The following WDR47 variants were observed in gnomAD, a reference collection of about 807,000 sequenced individuals.
The protein encoded by WDR47 is WD repeat-containing protein 47.
In WDR47, 32 loss-of-function variants were observed where a neutral mutation model predicts 97.2. The observed-to-expected ratio is 0.33, with a 90% CI of 0.25 to 0.44. The LOEUF is 0.44. Among genes scored for constraint, WDR47 ranks in the 20% least tolerant of loss-of-function variants. The pLI, the probability that WDR47 is intolerant of heterozygous loss-of-function variation, is 1.00. For missense variants in WDR47, 782 were observed against 1,102.3 expected (o/e 0.71, Z 4.11); for synonymous variants, 375 against 373.5 (o/e 1.00, Z -0.05).
At chr1:108,997,759 C>CAAA (rs35471904) in intron 7 of WDR47, among the ~76,000 whole-genome samples, 12 of 101,878 alleles carry the variant, frequency 1.2e-4, no homozygotes, top group Admixed American at 4.9e-4. Flanking sequence ...GACTCCATCT[C>CAAA]AAAAAAAAAA....
rs184073827 is a variant in WDR47 at position 109,017,524 on chromosome 1, T to C, written c.236A>G (p.Lys79Arg). 1.3e-5 allele frequency: 21 copies of C among 1,612,058 alleles called. No homozygotes were observed. In the East Asian group the frequency reaches 4.0e-4, roughly 31 times the overall value. ...QPLECMEKFD[K>R]KRFRYIILKQ... Reference sequence around the variant, plus strand: ...ACTTTAGATAAAATCTTACCTTTTTTTGTCAAATTTTTCCATACATTCTAG... The same window carrying C: ...ACTTTAGATAAAATCTTACCTTTTTCTGTCAAATTTTTCCATACATTCTAG... The change falls in exon 3 of 15, where the codon AAA becomes AGA. Residue 79 changes from lysine to arginine, a missense_variant. Transcript: ENST00000369962.
chr1:109,001,159 C>G (rs1660154294), intron 7 of WDR47, among the ~76,000 whole-genome samples: 1 of 151,946 alleles, frequency 6.6e-6, no homozygotes, highest in Admixed American at 6.6e-5. Context: ...TGTGGTGGCA[C>G]ACGCCTATAA....
chr1:108,997,465 AAAG>A (rs1225325297), intron 7 of WDR47, among the ~76,000 whole-genome samples: 1 of 151,076 alleles, frequency 6.6e-6, no homozygotes, highest in Non-Finnish European at 1.5e-5. Flanking sequence ...AAAAGGAAAG[AAAG>A]AAGGAGGGCT....
Position 108,971,271 on chromosome 1 carries a change from A to G in WDR47, c.*159T>C, listed in dbSNP as rs1657435776. ...AAGACTGAAAGCACTGCGGAATAAC[A>G]CCACCCAACACCTCCTATCAGTGGG... On this transcript the variant is annotated 3_prime_UTR_variant, in exon 15 of 15. Coordinates refer to ENST00000369962, the MANE Select transcript of WDR47 (RefSeq NM_001142551.2). The G allele has an allele frequency of 4.1e-6, 4 of 979,672 alleles. No homozygotes were observed. In the South Asian group the frequency reaches 7.0e-5, roughly 17 times the overall value. 60.7% of individuals were successfully genotyped at this position (979,672 alleles called of 1,614,324 possible).
At chr1:109,020,437 T>C (rs1217376675) in intron 2 of WDR47, among the ~76,000 whole-genome samples, 3 of 151,990 alleles carry the variant, frequency 2.0e-5, no homozygotes, top group Non-Finnish European at 2.9e-5. Context: ...ATTTTTTGTA[T>C]TTTTAGTAGA....
intron 7 of WDR47, among the ~76,000 whole-genome samples, chr1:108,997,907 CA>C (rs1435638735): frequency 6.6e-6 from 1 of 151,922 alleles, no homozygotes; most frequent in Admixed American, 6.6e-5. Context: ...ACAGGGAGTA[CA>C]ATTATTGAGA....
intron 1 of WDR47, among the ~76,000 whole-genome samples, chr1:109,039,395 T>C (rs1300033852): frequency 6.6e-6 from 1 of 152,042 alleles, no homozygotes; most frequent in East Asian, 1.9e-4. Flanking sequence ...ATAGCTGGGA[T>C]TACAGGCACA....
intron 1 of WDR47, among the ~76,000 whole-genome samples, chr1:109,030,569 T>G (rs1662550368): frequency 6.6e-6 from 1 of 152,038 alleles, no homozygotes; most frequent in Non-Finnish European, 1.5e-5. Flanking sequence ...TCCATTAATC[T>G]GCAATTCCAT....
Position 108,995,733 on chromosome 1 carries a change from T to C in WDR47, c.1538A>G (p.Asn513Ser). The change falls in exon 8 of 15, where the codon AAT becomes AGT. Residue 513 changes from asparagine (N) to serine (S), a missense_variant. Asn to Ser is a conservative substitution (Grantham distance 46, BLOSUM62 1). Transcript: ENST00000369962. ...QCNGSKGNGS[N>S]GSSVTSFTTP... ...AGTAAAACTAGTCACAGAAGAACCA[T>C]TAGATCCATTGCCTTTGCTCCCATT... is the stretch of plus-strand genomic sequence containing the variant. 1 of 1,614,120 alleles carries C rather than the reference T, an allele frequency of 6.2e-7. No individual in the cohort carries two copies. The highest frequency in any genetic ancestry group is 8.5e-7 in the Non-Finnish European group (1 of 1,180,014).
chr1:108,990,269 C>T (rs12738621), intron 9 of WDR47, among the ~76,000 whole-genome samples: 10,534 of 152,078 alleles, frequency 0.069, 479 homozygotes, highest in Middle Eastern at 0.13. Context: ...AGTACAATGG[C>T]GCGATCTTGG....
At chr1:109,032,999 TA>T (rs1036397555) in intron 1 of WDR47, among the ~76,000 whole-genome samples, 2 of 149,480 alleles carry the variant, frequency 1.3e-5, no homozygotes, top group African/African-American at 4.9e-5. Context: ...AAAACACACA[TA>T]AAGAGTTAAA....
Position 108,983,325 on chromosome 1 carries a change from G to C in WDR47, c.2052C>G (p.Tyr684Ter). ...QLLATGSNDKYVKVLPFNAET... is the reference protein window; with the variant it reads ...QLLATGSNDK ...CTGCATTGAAGGGCAGCACTTTGAC[G>C]TATTTGTCATTTGATCCTGTTGCTA... is the stretch of plus-strand genomic sequence containing the variant. Residue 684 changes from tyrosine to a stop codon, truncating the protein, a stop_gained, in exon 11 of 15, where the codon TAC becomes TAG. Coordinates refer to ENST00000369962, the MANE Select transcript of WDR47 (RefSeq NM_001142551.2). LOFTEE classifies it high-confidence loss of function. 6.2e-7 allele frequency: 1 copy of C among 1,612,272 alleles called. No homozygotes were observed. Among genetic ancestry groups the C allele is most frequent in the Non-Finnish European group, 8.5e-7 (1 of 1,179,150 alleles).
chr1:109,027,768 C>T (rs1371813028), intron 1 of WDR47, among the ~76,000 whole-genome samples: 1 of 152,046 alleles, frequency 6.6e-6, no homozygotes, highest in African/African-American at 2.4e-5. Context: ...GTGATCCACC[C>T]GCCTCAGCCT....
At chr1:109,020,989 A>G (rs1661797946) in intron 2 of WDR47, among the ~76,000 whole-genome samples, 2 of 151,506 alleles carry the variant, frequency 1.3e-5, no homozygotes, top group African/African-American at 4.9e-5. Context: ...TGGGAGGAAC[A>G]CTTCATTTCT....
rs190940008 is a variant in WDR47, at chr1:109,036,737, G to A, written c.-10+5125C>T. Among the ~76,000 whole-genome samples, 332 of 151,380 alleles carry A rather than the reference G, an allele frequency of 2.2e-3. 2 individuals carry two copies. The highest frequency in any genetic ancestry group is 7.5e-3 in the African/African-American group (311 of 41,224). The stretch of plus-strand genomic sequence containing the variant: ...TGTAGTCCCAGCTACTCAGGAGGCC[G>A]AGGCAGGAGAATGGCGTGAACCCCG... On this transcript the variant is annotated intron_variant, in intron 1 of 14. Transcript: ENST00000369962.
chr1:109,012,572 CAAAAAA>C (rs57237933), intron 4 of WDR47, among the ~76,000 whole-genome samples: 2 of 73,852 alleles, frequency 2.7e-5, no homozygotes, highest in Admixed American at 1.8e-4. Context: ...GACTCCATCT[CAAAAAA>C]AAAAAAAAAA....
chr1:108,988,708 T>A (rs932483081), intron 9 of WDR47, among the ~76,000 whole-genome samples: 1 of 151,200 alleles, frequency 6.6e-6, no homozygotes, highest in African/African-American at 2.4e-5. Flanking sequence ...TAAACAAACA[T>A]CCCTTTAAAA....
intron 2 of WDR47, among the ~76,000 whole-genome samples, chr1:109,021,209 G>C (rs1661813236): frequency 6.6e-6 from 1 of 152,032 alleles, no homozygotes. Context: ...TAAGAATCTT[G>C]TCCTAAGGAA....
intron 5 of WDR47, among the ~76,000 whole-genome samples, chr1:109,006,059 A>G (rs1660588506): frequency 6.6e-6 from 1 of 151,930 alleles, no homozygotes; most frequent in Non-Finnish European, 1.5e-5. Flanking sequence ...TTTCCTCCAT[A>G]TGTTTCTATA....
Sources: gnomAD v4.1 joint callset for allele counts (sites outside exome capture counted in the v4.1 genomes callset) on GRCh38, gnomAD v4.1.1 for gene constraint, MANE v1.5 for transcripts, NCBI Gene and HGNC (gene_info 2026-07-23, HGNC 2026-07-21) for gene names.